PTPRN2: variants seen among roughly 807,000 people sequenced by gnomAD.
PTPRN2 encodes the protein protein tyrosine phosphatase receptor type N2, also known as receptor-type tyrosine-protein phosphatase N2.
Under a neutral mutation model 118.8 loss-of-function variants are expected in PTPRN2, and 74 were observed. The observed-to-expected ratio is 0.62, with a 90% confidence interval of 0.52 to 0.76. PTPRN2 has a LOEUF of 0.76. Ranked by LOEUF, PTPRN2 falls within the 30% of genes least tolerant of loss-of-function variation. PTPRN2 has a pLI of 0.00. For missense variants in PTPRN2, 1,481 were observed against 1,394.4 expected (o/e 1.06, Z -0.99); for synonymous variants, 641 against 608.0 (o/e 1.05, Z -0.80).
chr7:158,084,357 G>A (rs1186103391), intron 10 of PTPRN2, among the ~76,000 whole-genome samples: 1 of 149,418 alleles, frequency 6.7e-6, no homozygotes, highest in East Asian at 2.0e-4. Context: ...AGAGGCTTCT[G>A]GGTAGGGAGT....
At chr7:158,418,473 GTAC>G (rs1342332130) in intron 2 of PTPRN2, among the ~76,000 whole-genome samples, 1 of 151,530 alleles carries the variant, frequency 6.6e-6, no homozygotes, top group Non-Finnish European at 1.5e-5. Flanking sequence ...AAGTCATGGT[GTAC>G]TACATCGACA....
intron 12 of PTPRN2, among the ~76,000 whole-genome samples, chr7:157,788,467 C>A (rs1340598765): frequency 5.9e-5 from 9 of 152,002 alleles, no homozygotes; most frequent in African/African-American, 1.9e-4. Context: ...GTGCCATCAA[C>A]CAACGTGACC....
chr7:158,164,122 T>TCCGAAGA (rs1822651424), intron 6 of PTPRN2, among the ~76,000 whole-genome samples: 1 of 151,300 alleles, frequency 6.6e-6, no homozygotes, highest in Non-Finnish European at 1.5e-5. Flanking sequence ...GGACGCTTGT[T>TCCGAAGA]CCGAAGATCC....
At chr7:157,714,919 G>A (rs370944563) in intron 12 of PTPRN2, among the ~76,000 whole-genome samples, 15 of 148,820 alleles carry the variant, frequency 1.0e-4, no homozygotes, top group African/African-American at 3.5e-4. Context: ...CTCCAAGCCC[G>A]ATCACTTCTC....
At chr7:157,648,440 A>G (rs200898586) in intron 14 of PTPRN2, among the ~76,000 whole-genome samples, 17 of 107,010 alleles carry the variant, frequency 1.6e-4, no homozygotes, top group South Asian at 7.2e-4. Context: ...GGACCCATTC[A>G]CTGTGCACTG....
chr7:157,786,774 G>T, intron 12 of PTPRN2, among the ~76,000 whole-genome samples: 1 of 152,372 alleles, frequency 6.6e-6, no homozygotes, highest in Admixed American at 6.5e-5. Context: ...TTAAAAACGC[G>T]TAAGACTCAC....
chr7:158,133,713 T>A lies in PTPRN2; in HGVS notation c.1520A>T (p.Glu507Val). 6.2e-7 allele frequency: 1 copy of A among 1,607,732 alleles called. No homozygotes were observed. The highest frequency in any genetic ancestry group is 1.1e-5 in the South Asian group (1 of 90,868). Residue 507 changes from glutamate (E) to valine (V), a missense_variant, in exon 9 of 23, where the codon GAG becomes GTG. This residue lies in a region of PTPRN2 where 1,115 missense variants were observed against 994.2 expected (regional missense o/e 1.12). Coordinates refer to ENST00000389418, the MANE Select transcript of PTPRN2 (RefSeq NM_002847.5). ...DGLQLEVQPSEEEARGYIVTD... is the reference protein window; with the variant it reads ...DGLQLEVQPSVEEARGYIVTD... ...CACGATGTAGCCCCGCGCCTCTTCC[T>A]CGGAAGGCTGGACCTCCAATTGCAG...
chr7:158,248,890 G>A (rs62649320), intron 3 of PTPRN2, among the ~76,000 whole-genome samples: 2 of 7,024 alleles, frequency 2.8e-4, no homozygotes, highest in Non-Finnish European at 5.0e-4. Context: ...CGCATCACAC[G>A]CAGCACATAT....
At chr7:158,510,062 T>C (rs1823060612) in intron 1 of PTPRN2, among the ~76,000 whole-genome samples, 3 of 152,160 alleles carry the variant, frequency 2.0e-5, no homozygotes, top group African/African-American at 7.2e-5. Flanking sequence ...GAGACAGTGT[T>C]CGCAGATCTT....
In PTPRN2 at chr7:157,576,749, C is replaced by T. The variant is rs746741737; in HGVS notation, c.2647G>A (p.Glu883Lys). 3 of 1,608,288 alleles carry T rather than the reference C, an allele frequency of 1.9e-6. No homozygotes were observed. Among genetic ancestry groups the T allele is most frequent in the Admixed American group, 3.4e-5 (2 of 59,344 alleles). ...VNLVSEHIWC[E>K]DFLVRSFYLK... ...TAGAAGCTCCTCACCAGGAAGTCCTCACACCAGATGTGCTCGGAGACCAGG... is the reference window on the plus strand; with the variant it reads ...TAGAAGCTCCTCACCAGGAAGTCCTTACACCAGATGTGCTCGGAGACCAGG... Residue 883 changes from glutamate (E) to lysine (K), a missense_variant, in exon 19 of 23, where the codon GAG (glutamate) becomes AAG (lysine). Physicochemically the swap from Glu to Lys is moderately conservative, Grantham distance 56. This residue lies in a region of PTPRN2 where 362 missense variants were observed against 384.1 expected (regional missense o/e 0.94). Coordinates refer to ENST00000389418, the MANE Select transcript of PTPRN2 (RefSeq NM_002847.5).
At chr7:158,569,155 T>G (rs907664229) in intron 1 of PTPRN2, among the ~76,000 whole-genome samples, 1 of 152,222 alleles carries the variant, frequency 6.6e-6, no homozygotes, top group Non-Finnish European at 1.5e-5. Flanking sequence ...TGTACATGTA[T>G]GTATGTGAAA....
At chr7:158,260,608 G>A (rs776086080) in intron 3 of PTPRN2, among the ~76,000 whole-genome samples, 5 of 145,922 alleles carry the variant, frequency 3.4e-5, no homozygotes, top group Non-Finnish European at 5.9e-5. Flanking sequence ...TTTATCCTAC[G>A]GACATTCTAA....
At chr7:157,597,059 G>A (rs1021523910) in intron 16 of PTPRN2, among the ~76,000 whole-genome samples, 4 of 152,144 alleles carry the variant, frequency 2.6e-5, no homozygotes, top group Non-Finnish European at 4.4e-5. Context: ...CAGAGATGAT[G>A]GCTGTCAGCA....
chr7:158,396,722 G>C (rs1328984314), intron 2 of PTPRN2, among the ~76,000 whole-genome samples: 1 of 152,220 alleles, frequency 6.6e-6, no homozygotes, highest in East Asian at 1.9e-4. Flanking sequence ...GCATGTGTGT[G>C]TGTGCGCATA....
intron 11 of PTPRN2, among the ~76,000 whole-genome samples, chr7:157,900,299 T>C (rs997907580): frequency 6.6e-6 from 1 of 152,234 alleles, no homozygotes; most frequent in African/African-American, 2.4e-5. Context: ...TGGATGGTCA[T>C]GGCTGTGTTC....
chr7:158,130,098 G>A (rs1818045072), intron 9 of PTPRN2, among the ~76,000 whole-genome samples: 1 of 152,186 alleles, frequency 6.6e-6, no homozygotes, highest in Admixed American at 6.5e-5. Flanking sequence ...ACACTCTGCG[G>A]TTTGAGCTCA....
chr7:157,637,928 C>T (rs1029983475), intron 14 of PTPRN2, among the ~76,000 whole-genome samples: 43 of 152,220 alleles, frequency 2.8e-4, no homozygotes, highest in African/African-American at 9.2e-4. Flanking sequence ...TTACTTAGGA[C>T]AGTGATGGAG....
At chr7:158,188,734 C>T (rs1013137553) in intron 5 of PTPRN2, among the ~76,000 whole-genome samples, 5 of 150,680 alleles carry the variant, frequency 3.3e-5, no homozygotes, top group East Asian at 2.0e-4. Flanking sequence ...CCGCCACGCT[C>T]GCCGCCTTGT....
intron 1 of PTPRN2, among the ~76,000 whole-genome samples, chr7:158,542,265 C>T (rs1025281479): frequency 1.3e-5 from 2 of 152,250 alleles, no homozygotes; most frequent in Non-Finnish European, 2.9e-5. Context: ...ATTCCCCTGC[C>T]TCAGCCTCCT....
Sources: gnomAD v4.1 joint callset for allele counts (sites outside exome capture counted in the v4.1 genomes callset) on GRCh38, gnomAD v4.1.1 for gene constraint, gnomAD v4.1.1 regional missense constraint, MANE v1.5 for transcripts, NCBI Gene and HGNC (gene_info 2026-07-23, HGNC 2026-07-21) for gene names.